The following HP1BP3 variants were observed in gnomAD, a reference collection of about 807,000 sequenced individuals.
HP1BP3 encodes heterochromatin protein 1 binding protein 3.
HP1BP3 carries 12 observed loss-of-function variants against 62.5 expected under a neutral mutation model. That is an observed-to-expected ratio of 0.19 (90% CI 0.12 to 0.31). HP1BP3 has a LOEUF of 0.31. HP1BP3 is among the 10% of genes least tolerant of loss of function. The pLI is 1.00. For synonymous variants in HP1BP3, 260 were observed against 237.8 expected, an observed-to-expected ratio of 1.09 and a Z score of -0.86; for missense variants, 502 against 651.8, an observed-to-expected ratio of 0.77 and a Z score of 2.50.
chr1:20,755,876 A>G (rs879720823), intron 9 of HP1BP3, among the ~76,000 whole-genome samples: 1 of 152,204 alleles, frequency 6.6e-6, no homozygotes, highest in South Asian at 2.1e-4. Context: ...ATGCCAAAAG[A>G]AGCCAGACAC....
intron 4 of HP1BP3, chr1:20,775,517 G>A (rs1363723473): frequency 1.3e-5 from 2 of 152,594 alleles, no homozygotes; most frequent in Non-Finnish European, 2.9e-5. Context: ...TTTAAAAGTT[G>A]CTAAAAATAA....
chr1:20,750,225 T>C (rs2055623544), intron 9 of HP1BP3: 1 of 187,520 alleles, frequency 5.3e-6, no homozygotes, highest in South Asian at 1.1e-4. Context: ...CTCACACCTA[T>C]AGCCCCAGCA....
At chr1:20,775,921 T>G in intron 4 of HP1BP3, 1 of 1,482,134 alleles carries the variant, frequency 6.7e-7, no homozygotes, top group Non-Finnish European at 9.0e-7. Flanking sequence ...TACCCATTGT[T>G]AAGCAATGCA....
chr1:20,747,337 G>A (rs974653826), intron 11 of HP1BP3, among the ~76,000 whole-genome samples: 1 of 152,024 alleles, frequency 6.6e-6, no homozygotes, highest in Non-Finnish European at 1.5e-5. Flanking sequence ...ATACAAAGAG[G>A]ACAGACTTTT....
chr1:20,771,292 G>C (rs924370090), intron 5 of HP1BP3, among the ~76,000 whole-genome samples: 14 of 152,122 alleles, frequency 9.2e-5, no homozygotes, highest in African/African-American at 3.4e-4. Context: ...CAGCCTAAGA[G>C]ACCATACTGA....
intron 8 of HP1BP3, among the ~76,000 whole-genome samples, chr1:20,759,419 A>C (rs1457399559): frequency 6.6e-6 from 1 of 152,238 alleles, no homozygotes; most frequent in Non-Finnish European, 1.5e-5. Context: ...AAAAAAAAGA[A>C]TGATTTAAGT....
intron 7 of HP1BP3, among the ~76,000 whole-genome samples, chr1:20,765,791 C>T (rs755953952): frequency 1.3e-5 from 2 of 149,550 alleles, no homozygotes; most frequent in Non-Finnish European, 3.0e-5. Context: ...GCCAACATTG[C>T]AAAACCTCCT....
chr1:20,773,058 A>G (rs1249564969), intron 5 of HP1BP3, among the ~76,000 whole-genome samples: 1 of 152,170 alleles, frequency 6.6e-6, no homozygotes, highest in African/African-American at 2.4e-5. Flanking sequence ...CTGAGTCACA[A>G]TTAGATTTAT....
intron 9 of HP1BP3, among the ~76,000 whole-genome samples, chr1:20,752,402 C>T (rs1276185304): frequency 6.6e-6 from 1 of 151,630 alleles, no homozygotes; most frequent in South Asian, 2.1e-4. Flanking sequence ...TCCAGCGATT[C>T]TCCTGCGTCT....
At chr1:20,749,235 T>C (rs1489633688) in intron 10 of HP1BP3, among the ~76,000 whole-genome samples, 1 of 152,114 alleles carries the variant, frequency 6.6e-6, no homozygotes. Flanking sequence ...AGAATTCAGT[T>C]TTGATTATTT....
At chr1:20,769,975 T>C (rs547331586) in intron 6 of HP1BP3, among the ~76,000 whole-genome samples, 7 of 152,262 alleles carry the variant, frequency 4.6e-5, no homozygotes, top group South Asian at 4.1e-4. Flanking sequence ...TGAACTAGGT[T>C]TTTAAAATTT....
intron 1 of HP1BP3, among the ~76,000 whole-genome samples, chr1:20,784,744 G>A (rs2057740997): frequency 6.6e-6 from 1 of 152,126 alleles, no homozygotes; most frequent in Admixed American, 6.5e-5. Context: ...CCAAAGGGCT[G>A]GGATTACAGG....
intron 1 of HP1BP3, among the ~76,000 whole-genome samples, chr1:20,781,931 T>C (rs757903887): frequency 6.6e-6 from 1 of 152,056 alleles, no homozygotes; most frequent in Non-Finnish European, 1.5e-5. Context: ...CGGCCCATTT[T>C]TCTTAATGAT....
At chr1:20,768,438 TC>T (rs1369847324) in intron 6 of HP1BP3, among the ~76,000 whole-genome samples, 2 of 152,210 alleles carry the variant, frequency 1.3e-5, no homozygotes, top group Admixed American at 6.5e-5. Flanking sequence ...AGAGCGATAC[TC>T]CGTCTCAAAA....
At chr1:20,762,844 T>C (rs1190983717) in intron 8 of HP1BP3, among the ~76,000 whole-genome samples, 1 of 152,108 alleles carries the variant, frequency 6.6e-6, no homozygotes, top group Non-Finnish European at 1.5e-5. Context: ...ACGGGCACAA[T>C]CTTAACCTTG....
At chr1:20,786,815 C>A (rs2057861761) in intron 1 of HP1BP3, 1 of 152,510 alleles carries the variant, frequency 6.6e-6, no homozygotes, top group South Asian at 2.1e-4. Flanking sequence ...GGCCTCGGAG[C>A]ATGCGCAGCC....
Position 20,741,932 on chromosome 1 carries a change from A to C in HP1BP3, c.*2865T>G, listed in dbSNP as rs1313091220. ...GAAGGGAAAAATCAAACATTCTTTTATCTCAATGTAAGTAAGGCGTATGTC... is the reference window on the plus strand; with the variant it reads ...GAAGGGAAAAATCAAACATTCTTTTCTCTCAATGTAAGTAAGGCGTATGTC... On this transcript the variant is annotated 3_prime_UTR_variant, in exon 13 of 13. Coordinates refer to ENST00000438032, the MANE Select transcript of HP1BP3 (RefSeq NM_001372052.1). Among the ~76,000 whole-genome samples, 3 of 152,192 alleles carry C rather than the reference A, an allele frequency of 2.0e-5. No individual in the cohort carries two copies. Among genetic ancestry groups the C allele is most frequent in the Non-Finnish European group, 4.4e-5 (3 of 68,020 alleles).
chr1:20,765,693 G>A (rs1284927150), intron 7 of HP1BP3, among the ~76,000 whole-genome samples, 162 bp from the exon 8 acceptor site: 1 of 152,128 alleles, frequency 6.6e-6, no homozygotes, highest in Non-Finnish European at 1.5e-5. Flanking sequence ...TATAAAAGCT[G>A]GGTGTGGTGG....
At position 20,747,658 on chromosome 1, in the gene HP1BP3, G is replaced by GA. The variant is rs760251703; in HGVS notation, c.1142-4dup. On this transcript the variant is annotated splice_region_variant and splice_polypyrimidine_tract_variant and intron_variant, in intron 10 of 12. Coordinates refer to ENST00000438032, the MANE Select transcript of HP1BP3 (RefSeq NM_001372052.1). ...CAGGGTTTTTTTCAGCAAATGCACT[G>GA]AAAAAAAAAATTCAGAAATGAAAGT... 4,146 of 1,487,406 alleles carry GA rather than the reference G, an allele frequency of 2.8e-3. No individual in the cohort carries two copies. Among genetic ancestry groups the GA allele is most frequent in the East Asian group, 3.3e-3 (136 of 41,234 alleles). The allele number at this position is 1,487,406 out of a possible 1,614,324, so 92.1% of individuals were successfully genotyped here.
Sources: allele counts gnomAD v4.1 joint callset (sites outside exome capture counted in the v4.1 genomes callset), GRCh38; gene constraint gnomAD v4.1.1; transcripts MANE v1.5; gene names NCBI Gene and HGNC (gene_info 2026-07-23, HGNC 2026-07-21).